SON: variants seen among roughly 807,000 people sequenced by gnomAD.
SON encodes the protein SON DNA and RNA binding protein.
SON carries 4 observed loss-of-function variants against 173.3 expected under a neutral mutation model. The observed-to-expected ratio is 0.02, with a 90% CI of 0.01 to 0.05. SON has a LOEUF of 0.05. Among genes scored for constraint, SON ranks in the 10% least tolerant of loss-of-function variants. The probability of loss-of-function intolerance (pLI) is 1.00; values close to 1 mark genes in which losing one functional copy is unlikely to be tolerated. For missense variants in SON, 2,626 were observed against 3,055.3 expected, an observed-to-expected ratio of 0.86 and a Z score of 3.31; for synonymous variants, 1,190 against 1,105.9, an observed-to-expected ratio of 1.08 and a Z score of -1.51.
At position 33,552,165 on chromosome 21, in the gene SON, A is replaced by G. The variant is rs760475776; in HGVS notation, c.2934A>G (p.Arg978=). The change falls in exon 3 of 12, where the codon AGA becomes AGG. Residue 978 remains arginine (R), a synonymous_variant. Coordinates refer to ENST00000356577, the MANE Select transcript of SON (RefSeq NM_138927.4). The surrounding 1 kb of genome is among the most constrained non-coding windows in gnomAD (Gnocchi z 5.6). ...RPYRIAPRSY[R]IAPRPYRLAP... is the part of the protein sequence containing the mutation. ...ACAGGATAGCACCCAGGTCCTATAG[A>G]ATAGCACCCAGGCCATATAGGTTAG... The G allele has an allele frequency of 2.0e-5, 32 of 1,613,952 alleles. No individual in the cohort carries two copies. The South Asian group carries it at 3.4e-4, about 17-fold the overall frequency.
At chr21:33,557,042 C>A in intron 3 of SON, 114 bp from the exon 4 acceptor site, 1 of 811,086 alleles carries the variant, frequency 1.2e-6, no homozygotes, top group Non-Finnish European at 1.8e-6. Flanking sequence ...GTTAGATACC[C>A]AAGTTCTTCG....
At position 33,554,964 on chromosome 21, in the gene SON, C is replaced by T. The variant is rs748604786; in HGVS notation, c.5733C>T (p.Ser1911=). 3.2e-5 allele frequency: 51 copies of T among 1,613,920 alleles called. No homozygotes were observed. In the South Asian group the frequency reaches 5.1e-4, roughly 16 times the overall value. The change falls in exon 3 of 12, where the codon TCC becomes TCT. Residue 1911 remains serine, a synonymous_variant. Transcript: ENST00000356577. ...AAAGAAAAAGAAAAAGATCAAGCTCCAGGGATAACCGAAAGACAGTTAGAG... is the reference window on the plus strand; with the variant it reads ...AAAGAAAAAGAAAAAGATCAAGCTCTAGGGATAACCGAAAGACAGTTAGAG... ...SRERKRKRSS[S]RDNRKTVRAR...
chr21:33,547,777 T>TGA (rs1350174480), intron 2 of SON, among the ~76,000 whole-genome samples: 1 of 127,934 alleles, frequency 7.8e-6, no homozygotes, highest in African/African-American at 3.0e-5. Flanking sequence ...TGCAGTGGGG[T>TGA]GATCTCAGCT....
chr21:33,577,006 G>A lies in SON; in HGVS notation c.*582G>A, dbSNP rs1006636016. 5.9e-6 allele frequency: 1 copy of A among 170,232 alleles called. No individual in the cohort carries two copies. Among genetic ancestry groups the A allele is most frequent in the African/African-American group, 2.4e-5 (1 of 42,114 alleles). 10.5% of individuals were successfully genotyped at this position (170,232 alleles called of 1,614,324 possible). ...ACAGATAATGGGCCAGTGTTATTGA[G>A]GTGATCAAGATCTGTTCCACAGGGC... On this transcript the variant is annotated 3_prime_UTR_variant, in exon 12 of 12. Transcript: ENST00000356577.
rs1347337732 is a variant in SON, at chr21:33,559,549, C to T, written c.6469-38C>T. The T allele has an allele frequency of 3.8e-6, 6 of 1,559,020 alleles. No homozygotes were observed. The highest frequency in any genetic ancestry group is 5.2e-6 in the Non-Finnish European group (6 of 1,146,780). On this transcript the variant is annotated intron_variant, in intron 5 of 11. Coordinates refer to ENST00000356577, the MANE Select transcript of SON (RefSeq NM_138927.4). The surrounding 1 kb of genome is among the most constrained non-coding windows in gnomAD (Gnocchi z 4.1). ...ATCTCAAACCATTTAATGTAGATATCATATTGAGCTTTAATTAAGAAACAC... is the reference window on the plus strand; with the variant it reads ...ATCTCAAACCATTTAATGTAGATATTATATTGAGCTTTAATTAAGAAACAC...
chr21:33,544,661 T>C (rs2085571281), intron 1 of SON, among the ~76,000 whole-genome samples: 1 of 152,242 alleles, frequency 6.6e-6, no homozygotes, highest in Non-Finnish European at 1.5e-5. Context: ...GACTTCTTCA[T>C]GGCTGCATAG....
chr21:33,552,559 G>A lies in SON; in HGVS notation c.3328G>A (p.Ala1110Thr). ...GTCTATGATGTCATCGTACTCTGCA[G>A]CTGACCGATCTATGATGTCATCTTA... is the stretch of plus-strand genomic sequence containing the variant. ...DRSMMSSYSA[A>T]DRSMMSSYTA... is the part of the protein sequence containing the mutation. The change falls in exon 3 of 12, where the codon GCT becomes ACT. Residue 1110 changes from alanine to threonine, a missense_variant. Physicochemically the swap from Ala to Thr is moderately conservative, Grantham distance 58. Coordinates refer to ENST00000356577, the MANE Select transcript of SON (RefSeq NM_138927.4). The surrounding 1 kb of genome is among the most constrained non-coding windows in gnomAD (Gnocchi z 5.6). The A allele has an allele frequency of 1.2e-6, 2 of 1,614,118 alleles. No homozygotes were observed. The highest frequency in any genetic ancestry group is 1.7e-6 in the Non-Finnish European group (2 of 1,180,016).
chr21:33,549,590 A>G lies in SON; in HGVS notation c.359A>G (p.Lys120Arg), dbSNP rs780441096. The G allele has an allele frequency of 1.7e-5, 27 of 1,589,840 alleles. No individual in the cohort carries two copies. The highest frequency in any genetic ancestry group is 2.2e-5 in the Non-Finnish European group (26 of 1,173,318). The change falls in exon 3 of 12, where the codon AAA becomes AGA. Residue 120 changes from lysine (K) to arginine (R), a missense_variant. Around this residue, in one of 13 missense-constraint regions of SON, gnomAD observed 757 missense variants for 730.1 expected, o/e 1.04. Coordinates refer to ENST00000356577, the MANE Select transcript of SON (RefSeq NM_138927.4). The part of the protein sequence containing the change: ...KHKKHKNKKK[K>R]KKKEKEKKYK... ...AAAAAGCACAAAAACAAAAAGAAGA[A>G]AAAGAAGAAAGAAAAGGAAAAAAAA...
Position 33,559,667 on chromosome 21 carries a change from T to C in SON, c.6549T>C (p.His2183=), listed in dbSNP as rs2086033818. 2 of 1,613,910 alleles carry C rather than the reference T, an allele frequency of 1.2e-6. No individual in the cohort carries two copies. Among genetic ancestry groups the C allele is most frequent in the South Asian group, 1.1e-5 (1 of 91,096 alleles). The part of the protein sequence containing the change: ...KEFPVSSGSQ[H]RKKEADSVYG... ...TCCCTGTATCATCTGGATCTCAACA[T>C]CGGAAAAAAGAAGCGGATAGTGTTT... The change falls in exon 6 of 12, where the codon CAT becomes CAC. Residue 2183 remains histidine, a synonymous_variant. Transcript: ENST00000356577. The surrounding 1 kb of genome is among the most constrained non-coding windows in gnomAD (Gnocchi z 4.1).
rs545787209 is a variant in SON at position 33,553,604 on chromosome 21, C to T, written c.4373C>T (p.Thr1458Ile). ...CCTGCTGTCACAGTCTCAGAGCAGA[C>T]TCAAGTAATACCAACTGAGGTGGCT... is the stretch of plus-strand genomic sequence containing the variant. ...SEPAVTVSEQ[T>I]QVIPTEVAIE... The change falls in exon 3 of 12, where the codon ACT becomes ATT. Residue 1458 changes from threonine to isoleucine, a missense_variant. Coordinates refer to ENST00000356577, the MANE Select transcript of SON (RefSeq NM_138927.4). The T allele has an allele frequency of 1.2e-6, 2 of 1,614,030 alleles. No individual in the cohort carries two copies. The highest frequency in any genetic ancestry group is 2.2e-5 in the South Asian group (2 of 91,080).
chr21:33,559,088 A>G lies in SON; in HGVS notation c.6322-142A>G. The G allele has an allele frequency of 1.7e-6, 1 of 597,808 alleles. No individual in the cohort carries two copies. The highest frequency in any genetic ancestry group is 2.8e-6 in the Non-Finnish European group (1 of 361,644). The allele number at this position is 597,808 out of a possible 1,614,324, so 37.0% of individuals were successfully genotyped here. On this transcript the variant is annotated intron_variant, in intron 4 of 11. Coordinates refer to ENST00000356577, the MANE Select transcript of SON (RefSeq NM_138927.4). The surrounding 1 kb of genome is among the most constrained non-coding windows in gnomAD (Gnocchi z 4.1). ...GCCAGAGTGTGTTTAAATAGTAGTT[A>G]ATATGCCAAGTTACGTATCTATAAC...
chr21:33,555,234 A>G lies in SON; in HGVS notation c.6003A>G (p.Ser2001=), dbSNP rs746404837. 2 of 1,608,782 alleles carry G rather than the reference A, an allele frequency of 1.2e-6. No homozygotes were observed. The highest frequency in any genetic ancestry group is 1.3e-5 in the African/African-American group (1 of 74,334). Residue 2001 remains serine (S), a synonymous_variant, in exon 3 of 12, where the codon TCA becomes TCG. Transcript: ENST00000356577. ...GCACCCCAAGCCGCCGGAGAAGATC[A>G]AGGTCTGTGGTAAGAAGACGAAGCT... ...RSRTPSRRRR[S]RSVVRRRSFS... is the part of the protein sequence containing the mutation.
chr21:33,570,604 A>G (rs907047505), intron 8 of SON, among the ~76,000 whole-genome samples: 2 of 152,208 alleles, frequency 1.3e-5, no homozygotes, highest in African/African-American at 4.8e-5. Context: ...CTTCTATATT[A>G]TAGTTACTAT....
At position 33,554,695 on chromosome 21, in the gene SON, T is replaced by C; in HGVS notation, c.5464T>C (p.Leu1822=). 6 of 1,613,914 alleles carry C rather than the reference T, an allele frequency of 3.7e-6. No homozygotes were observed. In the South Asian group the frequency reaches 6.6e-5, roughly 18 times the overall value. The change falls in exon 3 of 12, where the codon TTA becomes CTA. Residue 1822 remains leucine, a synonymous_variant. Transcript: ENST00000356577. ...GEKEKKRDSS[L]RSRSKRSKSS... ...GAAAGAGAAGAAAAGAGACTCTTCA[T>C]TAAGATCTCGAAGTAAGCGTTCCAA...
chr21:33,562,029 C>G (rs1279833048), intron 6 of SON, among the ~76,000 whole-genome samples: 1 of 151,946 alleles, frequency 6.6e-6, no homozygotes, highest in African/African-American at 2.4e-5. Context: ...AAGAGAATCC[C>G]AAAATACAAG....
Position 33,554,600 on chromosome 21 carries a change from A to G in SON, c.5369A>G (p.Tyr1790Cys). ...TCTTCTTCAGAGGAAAAAGATGATT[A>G]TGAAATTTTTGTAAAAGTTAAGGAC... is the stretch of plus-strand genomic sequence containing the variant. The part of the protein sequence containing the change: ...SESSSEEKDD[Y>C]EIFVKVKDTH... The change falls in exon 3 of 12, where the codon TAT becomes TGT. Residue 1790 changes from tyrosine to cysteine, a missense_variant. Coordinates refer to ENST00000356577, the MANE Select transcript of SON (RefSeq NM_138927.4). 1 of 1,614,016 alleles carries G rather than the reference A, an allele frequency of 6.2e-7. No homozygotes were observed. The highest frequency in any genetic ancestry group is 8.5e-7 in the Non-Finnish European group (1 of 1,180,024).
At chr21:33,549,417 G>A in intron 2 of SON, 59 bp from the exon 3 acceptor site, 1 of 1,389,952 alleles carries the variant, frequency 7.2e-7, no homozygotes, top group Non-Finnish European at 9.7e-7. Context: ...GGGTTTATAT[G>A]ATTTAATCTA....
intron 1 of SON, chr21:33,543,394 C>G: frequency 1.7e-6 from 1 of 587,322 alleles, no homozygotes; most frequent in Non-Finnish European, 3.0e-6. Context: ...CCAAGACTCC[C>G]TGTTTCAGAA....
At chr21:33,560,175 C>T in intron 6 of SON, 1 of 1,575,522 alleles carries the variant, frequency 6.3e-7, no homozygotes, top group African/African-American at 1.4e-5. Context: ...GGCAGATCCT[C>T]AGGTTCAACA....
Sources: allele counts gnomAD v4.1 joint callset (sites outside exome capture counted in the v4.1 genomes callset), GRCh38; gene constraint gnomAD v4.1.1; regional missense constraint gnomAD v4.1.1; non-coding constraint Gnocchi (gnomAD v3.1); transcripts MANE v1.5; gene names NCBI Gene and HGNC (gene_info 2026-07-23, HGNC 2026-07-21).